Variants in USP14 observed in about 807,000 individuals in gnomAD.
USP14 encodes ubiquitin carboxyl-terminal hydrolase 14.
Under a neutral mutation model 76.5 loss-of-function variants are expected in USP14, and 38 were observed. The observed-to-expected ratio is 0.50, with a 90% CI of 0.38 to 0.65. The LOEUF is 0.65. Ranked by LOEUF, USP14 falls within the 30% of genes least tolerant of loss-of-function variation. The pLI is 0.00. For synonymous variants in USP14, 192 were observed against 191.7 expected, an observed-to-expected ratio of 1.00 and a Z score of -0.01; for missense variants, 467 against 586.5, an observed-to-expected ratio of 0.80 and a Z score of 2.10.
intron 2 of USP14, among the ~76,000 whole-genome samples, chr18:165,009 C>T (rs1405874040): frequency 1.3e-5 from 2 of 151,544 alleles, no homozygotes; most frequent in South Asian, 2.1e-4. Flanking sequence ...AGTGCAGTGG[C>T]GCCATCTCGG....
chr18:193,129 A>G (rs1910137173), intron 6 of USP14, among the ~76,000 whole-genome samples: 1 of 152,120 alleles, frequency 6.6e-6, no homozygotes, highest in Admixed American at 6.6e-5. Context: ...GGATTAAATT[A>G]TAATTTTGGC....
At position 211,399 on chromosome 18, in the gene USP14, G is replaced by A; in HGVS notation, c.*115G>A. 1 of 1,154,586 alleles carries A rather than the reference G, an allele frequency of 8.7e-7. No homozygotes were observed. Among genetic ancestry groups the A allele is most frequent in the Non-Finnish European group, 1.2e-6 (1 of 837,852 alleles). 71.5% of individuals were successfully genotyped at this position (1,154,586 alleles called of 1,614,324 possible). A position where few individuals can be genotyped will look rare whatever the true frequency, so the allele number is the denominator to read the frequency against. ...GGTGGGTTTATGTTTCACCTCATTTGGAACAAAAGAGGACAGAAGCAGACC... is the reference window on the plus strand; with the variant it reads ...GGTGGGTTTATGTTTCACCTCATTTAGAACAAAAGAGGACAGAAGCAGACC... On this transcript the variant is annotated 3_prime_UTR_variant, in exon 16 of 16. Transcript: ENST00000261601.
rs776686515 is a variant in USP14 at position 158,737 on chromosome 18, G to A, written c.16+23G>A. ...CCGGTGAGCCCTGTCCTGGCCTCGC[G>A]CGCAGCACACCGGACCGGCGCTAGG... On this transcript the variant is annotated intron_variant, in intron 1 of 15. Transcript: ENST00000261601. 7.4e-6 allele frequency: 11 copies of A among 1,494,626 alleles called. No individual in the cohort carries two copies. The South Asian group carries it at 1.4e-4, about 19-fold the overall frequency. 92.6% of individuals were successfully genotyped at this position (1,494,626 alleles called of 1,614,324 possible). A position where few individuals can be genotyped will look rare whatever the true frequency, so the allele number is the denominator to read the frequency against.
At chr18:178,326 T>C (rs1909686913) in intron 3 of USP14, among the ~76,000 whole-genome samples, 1 of 152,146 alleles carries the variant, frequency 6.6e-6, no homozygotes, top group African/African-American at 2.4e-5. Context: ...TGAATTTTAT[T>C]AGTTGTAAGT....
At chr18:158,835 G>A in intron 1 of USP14, 121 bp downstream of exon 1, 1 of 1,253,872 alleles carries the variant, frequency 8.0e-7, no homozygotes, top group Non-Finnish European at 1.0e-6. Context: ...GGGTGCGCGG[G>A]GCCGGCGGCG....
chr18:205,186 A>G (rs1270776124), intron 13 of USP14, among the ~76,000 whole-genome samples: 2 of 152,074 alleles, frequency 1.3e-5, no homozygotes, highest in Admixed American at 1.3e-4. Flanking sequence ...CTTTAGGTGT[A>G]TTTTAGCATG....
At chr18:164,206 A>G (rs996898738) in intron 2 of USP14, among the ~76,000 whole-genome samples, 5 of 152,090 alleles carry the variant, frequency 3.3e-5, no homozygotes, top group African/African-American at 1.2e-4. Context: ...CTAAAATGAA[A>G]CCAATTAATA....
At position 199,328 on chromosome 18, in the gene USP14, C is replaced by T; in HGVS notation, c.876+12C>T. ...CAGGACTTAAATTGGTAAGGACAAT[C>T]TCAGTCCATCCTTGTTGTTTGTGAA... On this transcript the variant is annotated intron_variant, in intron 10 of 15. Coordinates refer to ENST00000261601, the MANE Select transcript of USP14 (RefSeq NM_005151.4). The T allele has an allele frequency of 6.4e-7, 1 of 1,555,896 alleles. No homozygotes were observed. Among genetic ancestry groups the T allele is most frequent in the East Asian group, 2.2e-5 (1 of 44,460 alleles).
At chr18:202,570 A>G (rs1312424722) in intron 10 of USP14, among the ~76,000 whole-genome samples, 12 of 152,238 alleles carry the variant, frequency 7.9e-5, no homozygotes. Context: ...GCTTTGTTAT[A>G]TAAAATACAA....
At position 196,664 on chromosome 18, in the gene USP14, A is replaced by G; in HGVS notation, c.491A>G (p.Asp164Gly). 2 of 1,613,904 alleles carry G rather than the reference A, an allele frequency of 1.2e-6. No homozygotes were observed. The highest frequency in any genetic ancestry group is 1.7e-6 in the Non-Finnish European group (2 of 1,179,932). The change falls in exon 7 of 16, where the codon GAT becomes GGT. Residue 164 changes from aspartate (D) to glycine (G), a missense_variant. Physicochemically the swap from Asp to Gly is moderately conservative, Grantham distance 94. Transcript: ENST00000261601. ...CTTAGAGATTTGTTTGATTCCATGG[A>G]TAAAACTTCTTCCAGTATTCCACCT... ...AALRDLFDSM[D>G]KTSSSIPPII... is the part of the protein sequence containing the mutation.
At chr18:163,832 T>A (rs1044196520) in intron 2 of USP14, among the ~76,000 whole-genome samples, 1 of 150,302 alleles carries the variant, frequency 6.7e-6, no homozygotes, top group Non-Finnish European at 1.5e-5. Flanking sequence ...TTTTTTTTTT[T>A]AGATCCTCTT....
intron 3 of USP14, among the ~76,000 whole-genome samples, chr18:172,101 G>A (rs1251811208): frequency 6.6e-6 from 1 of 152,120 alleles, no homozygotes; most frequent in Non-Finnish European, 1.5e-5. Context: ...AGTTGGGCAT[G>A]GTGGTGTATA....
In USP14 at chr18:212,300, T is replaced by G. The variant is rs144167071; in HGVS notation, c.*1016T>G. The G allele has an allele frequency of 6.6e-6, 1 of 152,418 alleles. No individual in the cohort carries two copies. Among genetic ancestry groups the G allele is most frequent in the Non-Finnish European group, 1.5e-5 (1 of 68,096 alleles). The allele number at this position is 152,418 out of a possible 1,614,324, so 9.4% of individuals were successfully genotyped here. The stretch of plus-strand genomic sequence containing the variant: ...TTCCTTGGCTCAGTTGTGTTTGTAT[T>G]TCCTTTCTTAATTCCCCAAATCTTG... On this transcript the variant is annotated 3_prime_UTR_variant, in exon 16 of 16. Transcript: ENST00000261601.
chr18:185,358 A>G (rs1180241451), intron 5 of USP14, among the ~76,000 whole-genome samples: 9 of 151,942 alleles, frequency 5.9e-5, no homozygotes, highest in East Asian at 1.9e-4. Context: ...GGGTTTTGCT[A>G]TATTGTCAAG....
intron 2 of USP14, among the ~76,000 whole-genome samples, chr18:164,222 T>G (rs1909203447): frequency 6.6e-6 from 1 of 152,204 alleles, no homozygotes; most frequent in Non-Finnish European, 1.5e-5. Context: ...TAATATTTCC[T>G]TAGTAATTTT....
chr18:171,025 AAT>A (rs57888885), intron 3 of USP14, among the ~76,000 whole-genome samples: 1,249 of 47,612 alleles, frequency 0.026, 33 homozygotes, highest in South Asian at 0.12. Flanking sequence ...AAAAAAAAAA[AAT>A]ATATATATAT....
In USP14 at chr18:197,603, T is replaced by G. The variant is rs776578338; in HGVS notation, c.595-13T>G. The G allele has an allele frequency of 6.2e-7, 1 of 1,603,704 alleles. No individual in the cohort carries two copies. The highest frequency in any genetic ancestry group is 1.1e-5 in the South Asian group (1 of 89,786). ...TGCCAGGATTACTTACTTTGTCTTT[T>G]TTTACATTACAGGATGCTAATGAAT... is the stretch of plus-strand genomic sequence containing the variant. On this transcript the variant is annotated splice_polypyrimidine_tract_variant and intron_variant, in intron 7 of 15. Transcript: ENST00000261601.
At chr18:175,846 C>G (rs118177450) in intron 3 of USP14, among the ~76,000 whole-genome samples, 1,562 of 152,162 alleles carry the variant, frequency 0.01, 19 homozygotes, top group Admixed American at 0.026. Flanking sequence ...CTAGTGAAGC[C>G]TAGTTCACTA....
intron 10 of USP14, among the ~76,000 whole-genome samples, chr18:202,426 T>C (rs1024343095): frequency 4.6e-5 from 7 of 152,236 alleles, no homozygotes; most frequent in Non-Finnish European, 1.5e-5. Context: ...TTCTGTGTTA[T>C]GACTTTTTTC....
Sources: gnomAD v4.1 joint callset for allele counts (sites outside exome capture counted in the v4.1 genomes callset) on GRCh38, gnomAD v4.1.1 for gene constraint, MANE v1.5 for transcripts, NCBI Gene and HGNC (gene_info 2026-07-23, HGNC 2026-07-21) for gene names.